The following GPBP1 variants were observed in gnomAD, a reference collection of about 807,000 sequenced individuals.
The protein encoded by GPBP1 is GC-rich promoter binding protein 1.
In GPBP1, 13 loss-of-function variants were observed where a neutral mutation model predicts 56.5. The ratio of observed to expected loss-of-function variants is 0.23; its 90% CI spans 0.15 to 0.37. The LOEUF is 0.37. GPBP1 is among the 10% of genes least tolerant of loss of function. The pLI is 1.00. For synonymous variants in GPBP1, 204 were observed against 188.9 expected, an observed-to-expected ratio of 1.08 and a Z score of -0.66; for missense variants, 477 against 572.3, an observed-to-expected ratio of 0.83 and a Z score of 1.70.
At chr5:57,200,148 C>T (rs1426459305) in intron 2 of GPBP1, among the ~76,000 whole-genome samples, 18 of 148,600 alleles carry the variant, frequency 1.2e-4, no homozygotes, top group Non-Finnish European at 1.0e-4. Context: ...CCTCCCCTCC[C>T]CTGCTTCCTT....
chr5:57,220,294 G>A, intron 3 of GPBP1, among the ~76,000 whole-genome samples: 1 of 151,808 alleles, frequency 6.6e-6, no homozygotes. Flanking sequence ...GCTGATAATT[G>A]TTAACGTGCG....
intron 8 of GPBP1, 40 bp downstream of exon 8, chr5:57,247,255 T>A: frequency 1.3e-6 from 2 of 1,504,598 alleles, no homozygotes; most frequent in Middle Eastern, 3.8e-4. Flanking sequence ...TGTAACATTT[T>A]AATTATGATA....
At chr5:57,243,548 A>G (rs865919113) in intron 6 of GPBP1, among the ~76,000 whole-genome samples, 1 of 151,906 alleles carries the variant, frequency 6.6e-6, no homozygotes, top group Non-Finnish European at 1.5e-5. Context: ...TGAAGACCTC[A>G]TTGAGGAACT....
intron 2 of GPBP1, among the ~76,000 whole-genome samples, chr5:57,198,233 A>G (rs1229937698): frequency 6.6e-6 from 1 of 152,034 alleles, no homozygotes; most frequent in Non-Finnish European, 1.5e-5. Context: ...TACCTTCCAC[A>G]TGTATTCTAG....
intron 2 of GPBP1, among the ~76,000 whole-genome samples, chr5:57,210,665 C>T (rs1259149463): frequency 6.6e-6 from 1 of 152,102 alleles, no homozygotes; most frequent in Non-Finnish European, 1.5e-5. Flanking sequence ...ACTAGGGCTG[C>T]CATAACCAAA....
Position 57,175,974 on chromosome 5 carries a change from A to G in GPBP1, c.-484A>G. Reference sequence around the variant, plus strand: ...CCTTTTATCTTTTATTTACGTGGAAATTTAAGATGTTGCAGTTTTCCGGCA... The same window carrying G: ...CCTTTTATCTTTTATTTACGTGGAAGTTTAAGATGTTGCAGTTTTCCGGCA... On this transcript the variant is annotated 5_prime_UTR_variant, in exon 2 of 12. Transcript: ENST00000506184. 2 of 398,552 alleles carry G rather than the reference A, an allele frequency of 5.0e-6. No homozygotes were observed. The allele number at this position is 398,552 out of a possible 1,614,324, so 24.7% of individuals were successfully genotyped here. A position where few individuals can be genotyped will look rare whatever the true frequency, so the allele number is the denominator to read the frequency against.
chr5:57,230,637 A>C, intron 3 of GPBP1: 1 of 556,240 alleles, frequency 1.8e-6, no homozygotes, highest in South Asian at 2.3e-5. Context: ...AACTCTAAGC[A>C]CATGTGCTTG....
At chr5:57,201,350 A>G (rs1561334318) in intron 2 of GPBP1, among the ~76,000 whole-genome samples, 3 of 152,112 alleles carry the variant, frequency 2.0e-5, no homozygotes, top group Admixed American at 2.0e-4. Flanking sequence ...CATGCCACAC[A>G]GGAGATGGAG....
At chr5:57,237,390 A>G (rs1228846300) in intron 6 of GPBP1, 3 of 510,504 alleles carry the variant, frequency 5.9e-6, no homozygotes, top group Non-Finnish European at 1.1e-5. Context: ...TAATAATCTT[A>G]GAAATGATTT....
At chr5:57,251,585 T>G (rs1409412607) in intron 10 of GPBP1, among the ~76,000 whole-genome samples, 1 of 152,048 alleles carries the variant, frequency 6.6e-6, no homozygotes. Flanking sequence ...CTTTTTTTTT[T>G]TTTTTTAACA....
chr5:57,214,677 A>G (rs1458932835), intron 3 of GPBP1, among the ~76,000 whole-genome samples: 1 of 151,960 alleles, frequency 6.6e-6, no homozygotes, highest in African/African-American at 2.4e-5. Flanking sequence ...TTTTTTTGAG[A>G]CAGAGCTTTG....
intron 10 of GPBP1, among the ~76,000 whole-genome samples, chr5:57,252,197 A>G (rs182246195): frequency 4.6e-5 from 6 of 131,612 alleles, no homozygotes; most frequent in Non-Finnish European, 7.7e-5. Context: ...ACTGGTCTCA[A>G]GTGATCCTCC....
intron 2 of GPBP1, among the ~76,000 whole-genome samples, chr5:57,207,402 C>G (rs1014880151): frequency 1.1e-4 from 16 of 151,546 alleles, no homozygotes; most frequent in East Asian, 3.9e-4. Flanking sequence ...TGGGGGTGTG[C>G]CTTGCTTCTT....
chr5:57,244,676 T>A (rs1740998330), intron 6 of GPBP1, among the ~76,000 whole-genome samples: 2 of 152,056 alleles, frequency 1.3e-5, no homozygotes, highest in Non-Finnish European at 2.9e-5. Context: ...TAATTGGAAA[T>A]CTTACATTGT....
At chr5:57,181,805 T>G (rs953617301) in intron 2 of GPBP1, among the ~76,000 whole-genome samples, 3 of 152,210 alleles carry the variant, frequency 2.0e-5, no homozygotes, top group Non-Finnish European at 2.9e-5. Flanking sequence ...TCCATTACCT[T>G]CAACAGAAAT....
intron 3 of GPBP1, among the ~76,000 whole-genome samples, chr5:57,224,571 A>G (rs1221957467): frequency 6.6e-6 from 1 of 151,712 alleles, no homozygotes; most frequent in Non-Finnish European, 1.5e-5. Flanking sequence ...TCAGCCTTTC[A>G]AGTAGCTGGG....
chr5:57,252,926 C>G (rs1327242508), intron 10 of GPBP1, among the ~76,000 whole-genome samples: 4 of 152,068 alleles, frequency 2.6e-5, no homozygotes, highest in African/African-American at 9.7e-5. Context: ...CCAGGCTGTT[C>G]TCGAATTCCT....
chr5:57,192,936 T>TTATAA (rs1754590288), intron 2 of GPBP1, among the ~76,000 whole-genome samples: 1 of 152,090 alleles, frequency 6.6e-6, no homozygotes, highest in Non-Finnish European at 1.5e-5. Context: ...GACTTCACGT[T>TTATAA]TATATAAACA....
Position 57,251,081 on chromosome 5 carries a change from T to G in GPBP1, c.1100T>G (p.Ile367Ser). The G allele has an allele frequency of 6.2e-7, 1 of 1,613,444 alleles. No individual in the cohort carries two copies. Among genetic ancestry groups the G allele is most frequent in the Non-Finnish European group, 8.5e-7 (1 of 1,179,824 alleles). The change falls in exon 10 of 12, where the codon ATT (isoleucine) becomes AGT (serine). Residue 367 changes from isoleucine (I) to serine (S), a missense_variant. Coordinates refer to ENST00000506184, the MANE Select transcript of GPBP1 (RefSeq NM_022913.4). Reference protein sequence around the residue: ...GNASVISQQIIRSSTFPQTDV... With the variant: ...GNASVISQQISRSSTFPQTDV... ...GCCTCAGTGATTTCCCAGCAGATCA[T>G]TCGGTCTTCAACCTTCCCACAAACT...
Sources: gnomAD v4.1 joint callset for allele counts (sites outside exome capture counted in the v4.1 genomes callset) on GRCh38, gnomAD v4.1.1 for gene constraint, MANE v1.5 for transcripts, NCBI Gene and HGNC (gene_info 2026-07-23, HGNC 2026-07-21) for gene names.